The following NOL6 variants were observed in gnomAD, a reference collection of about 807,000 sequenced individuals.
NOL6 encodes nucleolar RNA-associated protein.
A neutral mutation model predicts 131.7 loss-of-function variants in NOL6; 33 were observed. That is an observed-to-expected ratio of 0.25 (90% CI 0.19 to 0.33). The LOEUF is 0.33. Ranked by LOEUF, NOL6 falls within the 10% of genes least tolerant of loss-of-function variation. NOL6 has a pLI of 1.00. For synonymous variants in NOL6, 580 were observed against 605.7 expected (o/e 0.96, Z 0.62); for missense variants, 1,297 against 1,494.5 (o/e 0.87, Z 2.18).
intron 18 of NOL6, 43 bp from the exon 19 acceptor site, chr9:33,465,940 G>A: frequency 6.3e-7 from 1 of 1,599,838 alleles, no homozygotes; most frequent in Non-Finnish European, 8.5e-7. Context: ...TGTCAGCCCA[G>A]AACCCCGGGA....
chr9:33,467,646 T>A lies in NOL6; in HGVS notation c.1602+45A>T. The A allele has an allele frequency of 6.5e-7, 1 of 1,546,734 alleles. No homozygotes were observed. The highest frequency in any genetic ancestry group is 8.7e-7 in the Non-Finnish European group (1 of 1,145,504). On this transcript the variant is annotated intron_variant, in intron 12 of 25. Transcript: ENST00000297990. This position sits in a 1 kb window ranked among gnomAD's most constrained non-coding sequence, Gnocchi z 4.4. Reference sequence around the variant, plus strand: ...CCTTTGTGTCTCTTGGGACCCTGGATCCAGCCCAACTCAGACCCAAACTCC... The same window carrying A: ...CCTTTGTGTCTCTTGGGACCCTGGAACCAGCCCAACTCAGACCCAAACTCC...
chr9:33,461,959 T>A lies in NOL6; in HGVS notation c.*705A>T, dbSNP rs1812526012. On this transcript the variant is annotated 3_prime_UTR_variant, in exon 26 of 26. Transcript: ENST00000297990. Reference sequence around the variant, plus strand: ...TGAACGGGCAAACAGCCAGGGCAGATGCAGCTAACGGGTAGCCCCCAGTGC... The same window carrying A: ...TGAACGGGCAAACAGCCAGGGCAGAAGCAGCTAACGGGTAGCCCCCAGTGC... 1.8e-6 allele frequency: 1 copy of A among 567,522 alleles called. No homozygotes were observed. Among genetic ancestry groups the A allele is most frequent in the Non-Finnish European group, 3.2e-6 (1 of 313,172 alleles). The allele number at this position is 567,522 out of a possible 1,614,324, so 35.2% of individuals were successfully genotyped here.
Position 33,462,585 on chromosome 9 carries a change from G to C in NOL6, c.*79C>G, listed in dbSNP as rs1827127157. On this transcript the variant is annotated 3_prime_UTR_variant, in exon 26 of 26. Coordinates refer to ENST00000297990, the MANE Select transcript of NOL6 (RefSeq NM_022917.5). ...CATGGAGGATTCATGTCCAAGGAGG[G>C]TGGAGGTCATCCTACTGACATCTTG... 1 of 1,515,768 alleles carries C rather than the reference G, an allele frequency of 6.6e-7. No homozygotes were observed. The highest frequency in any genetic ancestry group is 1.4e-5 in the African/African-American group (1 of 73,038). 93.9% of individuals were successfully genotyped at this position (1,515,768 alleles called of 1,614,324 possible). A position where few individuals can be genotyped will look rare whatever the true frequency, so the allele number is the denominator to read the frequency against.
At chr9:33,472,468 C>G in intron 1 of NOL6, 56 bp from the exon 2 acceptor site, 1 of 1,394,286 alleles carries the variant, frequency 7.2e-7, no homozygotes, top group South Asian at 1.2e-5. Context: ...GCATCTGCTG[C>G]CTAAAGTGCC....
intron 8 of NOL6, 51 bp downstream of exon 8, chr9:33,468,701 G>A (rs1327257531): frequency 6.2e-7 from 1 of 1,612,446 alleles, no homozygotes; most frequent in Admixed American, 1.7e-5. Flanking sequence ...GGGATGAGAG[G>A]ATTCCCAGGA....
chr9:33,466,267 C>T, intron 17 of NOL6, 41 bp downstream of exon 17: 1 of 1,613,018 alleles, frequency 6.2e-7, no homozygotes, highest in Non-Finnish European at 8.5e-7. Context: ...TGGCCTGGAG[C>T]TGGAACTATC....
At position 33,466,958 on chromosome 9, in the gene NOL6, T is replaced by C. The variant is rs771001452; in HGVS notation, c.1904A>G (p.His635Arg). The change falls in exon 15 of 26, where the codon CAC becomes CGC. Residue 635 changes from histidine (H) to arginine (R), a missense_variant. Coordinates refer to ENST00000297990, the MANE Select transcript of NOL6 (RefSeq NM_022917.5). ...LHADIPETCV[H>R]YVGGPLDALI... ...TGCATCCAGGGGGCCCCCCACATAG[T>C]GGACACAGGTTTCTGGGATGTCAGC... 4.3e-6 allele frequency: 7 copies of C among 1,614,000 alleles called. No individual in the cohort carries two copies. Among genetic ancestry groups the C allele is most frequent in the African/African-American group, 1.3e-5 (1 of 74,906 alleles).
At chr9:33,466,499 G>C in intron 16 of NOL6, 70 bp downstream of exon 16, 1 of 1,611,918 alleles carries the variant, frequency 6.2e-7, no homozygotes. Flanking sequence ...TTGGAAGTGG[G>C]GAATACTGGG....
At position 33,467,396 on chromosome 9, in the gene NOL6, C is replaced by G. The variant is rs770552453; in HGVS notation, c.1723G>C (p.Glu575Gln). The stretch of plus-strand genomic sequence containing the variant: ...GTGTACATGCTGGGGTCCCCCACCT[C>G]AGGCTGGTCTGCCTCTGGACCCAGC... ...LELGPEADQP[E>Q]AAKFRQFWGS... is the part of the protein sequence containing the mutation. Residue 575 changes from glutamate to glutamine, a missense_variant and splice_region_variant, in exon 13 of 26, where the codon GAG (glutamate) becomes CAG (glutamine). Glu to Gln is a conservative substitution (Grantham distance 29). Transcript: ENST00000297990. The surrounding 1 kb of genome is among the most constrained non-coding windows in gnomAD (Gnocchi z 4.4). 6.2e-7 allele frequency: 1 copy of G among 1,614,164 alleles called. No individual in the cohort carries two copies. Among genetic ancestry groups the G allele is most frequent in the Non-Finnish European group, 8.5e-7 (1 of 1,179,990 alleles).
chr9:33,467,187 C>T lies in NOL6; in HGVS notation c.1801G>A (p.Val601Met). Residue 601 changes from valine (V) to methionine (M), a missense_variant, in exon 14 of 26, where the codon GTG (valine) becomes ATG (methionine). Transcript: ENST00000297990. This position sits in a 1 kb window ranked among gnomAD's most constrained non-coding sequence, Gnocchi z 4.4. ...RFQDGAIREA[V>M]VWEAASMSQK... Reference sequence around the variant, plus strand: ...GACATAGAGGCTGCCTCCCAGACCACAGCTTCCCGAATGGCTCCGTCCTGG... The same window carrying T: ...GACATAGAGGCTGCCTCCCAGACCATAGCTTCCCGAATGGCTCCGTCCTGG... 6.2e-7 allele frequency: 1 copy of T among 1,614,178 alleles called. No homozygotes were observed. Among genetic ancestry groups the T allele is most frequent in the Non-Finnish European group, 8.5e-7 (1 of 1,180,042 alleles).
chr9:33,463,443 T>C lies in NOL6; in HGVS notation c.2995-2A>G. ...GTCCAAGGGCGGCCGGAACACTGTC[T>C]AAGGAAGGGGAGAAGGAGGGGTCAG... On this transcript the variant is annotated splice_acceptor_variant, in intron 23 of 25. Transcript: ENST00000297990. LOFTEE classifies it high-confidence loss of function. The C allele has an allele frequency of 1.2e-6, 2 of 1,603,070 alleles. No individual in the cohort carries two copies.
At position 33,462,073 on chromosome 9, in the gene NOL6, G is replaced by A; in HGVS notation, c.*591C>T. 2 of 710,266 alleles carry A rather than the reference G, an allele frequency of 2.8e-6. No homozygotes were observed. The highest frequency in any genetic ancestry group is 5.3e-6 in the Non-Finnish European group (2 of 379,952). 44.0% of individuals were successfully genotyped at this position (710,266 alleles called of 1,614,324 possible). ...TTCCTGTCCTCGGTTCTTTTCCACT[G>A]TCTCCACCCTGGGAAGTGGCATCAA... is the stretch of plus-strand genomic sequence containing the variant. On this transcript the variant is annotated 3_prime_UTR_variant, in exon 26 of 26. Transcript: ENST00000297990.
At position 33,465,204 on chromosome 9, in the gene NOL6, C is replaced by A; in HGVS notation, c.2681+3G>T. The A allele has an allele frequency of 6.3e-7, 1 of 1,587,430 alleles. No homozygotes were observed. ...CAGCTGGGGAAAAAGTGGAGGGAAT[C>A]ACCTCGGAGGGGTGAAGGGCTCAGG... On this transcript the variant is annotated splice_donor_region_variant and intron_variant, in intron 20 of 25. Coordinates refer to ENST00000297990, the MANE Select transcript of NOL6 (RefSeq NM_022917.5).
In NOL6 at chr9:33,467,760, G is replaced by A. The variant is rs780987182; in HGVS notation, c.1533C>T (p.Thr511=). ...CCCCCAGGCCCTGCTCCAGGAGGGT[G>A]GTCAGGGGGCCCAAAGCAGCTGAGA... ...DYVSAALGPL[T]TLLEQGLGAR... The change falls in exon 12 of 26, where the codon ACC becomes ACT. Residue 511 remains threonine, a synonymous_variant. Coordinates refer to ENST00000297990, the MANE Select transcript of NOL6 (RefSeq NM_022917.5). The surrounding 1 kb of genome is among the most constrained non-coding windows in gnomAD (Gnocchi z 4.4). The A allele has an allele frequency of 6.2e-7, 1 of 1,610,576 alleles. No homozygotes were observed. Among genetic ancestry groups the A allele is most frequent in the African/African-American group, 1.3e-5 (1 of 74,926 alleles).
At chr9:33,472,802 G>A (rs1426306922) in intron 1 of NOL6, 10 of 272,782 alleles carry the variant, frequency 3.7e-5, no homozygotes, top group East Asian at 2.9e-4. Context: ...GGGAAACTCC[G>A]TCTCTATTAA....
rs1006710362 is a variant in NOL6, at chr9:33,462,101, C to A, written c.*563G>T. 74 of 716,614 alleles carry A rather than the reference C, an allele frequency of 1.0e-4. No homozygotes were observed. The highest frequency in any genetic ancestry group is 2.0e-4 in the Admixed American group (10 of 49,970). The allele number at this position is 716,614 out of a possible 1,614,324, so 44.4% of individuals were successfully genotyped here. Reference sequence around the variant, plus strand: ...TCCACCCTGGGAAGTGGCATCAACACAGGAGGGCATTGTGCTCCTTCAATG... The same window carrying A: ...TCCACCCTGGGAAGTGGCATCAACAAAGGAGGGCATTGTGCTCCTTCAATG... On this transcript the variant is annotated 3_prime_UTR_variant, in exon 26 of 26. Coordinates refer to ENST00000297990, the MANE Select transcript of NOL6 (RefSeq NM_022917.5).
rs573802066 is a variant in NOL6, at chr9:33,466,649, G to A, written c.2011C>T (p.Arg671Cys). The change falls in exon 16 of 26, where the codon CGC becomes TGC. Residue 671 changes from arginine (R) to cysteine (C), a missense_variant. By Grantham distance (180) the Arg-to-Cys change is radical. Coordinates refer to ENST00000297990, the MANE Select transcript of NOL6 (RefSeq NM_022917.5). ...AAVRCYDDLSRLLWGLEGLPL... is the reference protein window; with the variant it reads ...AAVRCYDDLSCLLWGLEGLPL... Reference sequence around the variant, plus strand: ...AGACCCTCTAGCCCCCACAGTAGGCGACTGAGGTCGTCGTAGCAACGTACC... The same window carrying A: ...AGACCCTCTAGCCCCCACAGTAGGCAACTGAGGTCGTCGTAGCAACGTACC... 6.2e-6 allele frequency: 10 copies of A among 1,613,976 alleles called. 1 individual carries two copies. Among genetic ancestry groups the A allele is most frequent in the African/African-American group, 4.0e-5 (3 of 75,036 alleles).
In NOL6 at chr9:33,472,188, G is replaced by A. The variant is rs774232907; in HGVS notation, c.261+18C>T. ...CAGGTACACACCTCGAACAAAAGCTGCAGACACTCAACAGTACCTGTAAAC... is the reference window on the plus strand; with the variant it reads ...CAGGTACACACCTCGAACAAAAGCTACAGACACTCAACAGTACCTGTAAAC... On this transcript the variant is annotated intron_variant, in intron 2 of 25. Coordinates refer to ENST00000297990, the MANE Select transcript of NOL6 (RefSeq NM_022917.5). 1.2e-6 allele frequency: 2 copies of A among 1,613,778 alleles called. No homozygotes were observed. Among genetic ancestry groups the A allele is most frequent in the East Asian group, 2.2e-5 (1 of 44,888 alleles).
At position 33,468,949 on chromosome 9, in the gene NOL6, C is replaced by G; in HGVS notation, c.1026+9G>C. 2.5e-6 allele frequency: 4 copies of G among 1,614,118 alleles called. No homozygotes were observed. The highest frequency in any genetic ancestry group is 2.2e-5 in the East Asian group (1 of 44,880). On this transcript the variant is annotated intron_variant, in intron 7 of 25. Transcript: ENST00000297990. ...CTCAGGTAGGGAGGCTGCGCCACCCCCAACTCACCTTGTCCAGCTCCCGCT... is the reference window on the plus strand; with the variant it reads ...CTCAGGTAGGGAGGCTGCGCCACCCGCAACTCACCTTGTCCAGCTCCCGCT...
Sources: allele counts gnomAD v4.1 joint callset, GRCh38; gene constraint gnomAD v4.1.1; non-coding constraint Gnocchi (gnomAD v3.1); transcripts MANE v1.5; gene names NCBI Gene and HGNC (gene_info 2026-07-23, HGNC 2026-07-21).